Variants in UEVLD observed in about 807,000 individuals in gnomAD.
UEVLD encodes UEV and lactate/malate dehyrogenase domains.
A neutral mutation model predicts 58.6 loss-of-function variants in UEVLD; 47 were observed. The ratio of observed to expected loss-of-function variants is 0.80; its 90% confidence interval spans 0.63 to 1.02. The LOEUF (loss-of-function observed/expected upper bound fraction) is 1.02. Among genes scored for constraint, UEVLD ranks in the 50% least tolerant of loss-of-function variants. UEVLD has a pLI of 0.00. For synonymous variants in UEVLD, 197 were observed against 195.3 expected, an observed-to-expected ratio of 1.01 and a Z score of -0.07; for missense variants, 510 against 550.6, an observed-to-expected ratio of 0.93 and a Z score of 0.74.
rs1852532334 is a variant in UEVLD, at chr11:18,570,316, A to G, written c.255T>C (p.Pro85=). 2 of 1,588,092 alleles carry G rather than the reference A, an allele frequency of 1.3e-6. No individual in the cohort carries two copies. Among genetic ancestry groups the G allele is most frequent in the Admixed American group, 1.9e-5 (1 of 51,734 alleles). ...WILDSHPFAP[P]ICFLKPTANM... ...TTGCAGTTGGCTTCAAGAAGCAAAT[A>G]GGGGGAGCGAAAGGGTGAGAATCCA... Residue 85 remains proline, a synonymous_variant, in exon 4 of 12, where the codon CCT becomes CCC. Transcript: ENST00000396197.
intron 7 of UEVLD, among the ~76,000 whole-genome samples, chr11:18,557,723 C>T (rs753048484): frequency 1.2e-4 from 18 of 151,802 alleles, no homozygotes; most frequent in Non-Finnish European, 1.9e-4. Context: ...GCCACCACAC[C>T]CAGCTAAATT....
At chr11:18,542,128 A>T (rs1851080593) in intron 9 of UEVLD, among the ~76,000 whole-genome samples, 1 of 152,148 alleles carries the variant, frequency 6.6e-6, no homozygotes, top group Admixed American at 6.5e-5. Context: ...ATGTTTTAGG[A>T]AGATTGAATT....
At chr11:18,563,820 C>T (rs768056765) in intron 6 of UEVLD, 3 of 325,344 alleles carry the variant, frequency 9.2e-6, no homozygotes, top group Non-Finnish European at 1.4e-5. Flanking sequence ...GCCTGGCCAA[C>T]ATGGCAAAAC....
chr11:18,557,404 G>A (rs1024361989), intron 7 of UEVLD, among the ~76,000 whole-genome samples: 8 of 151,904 alleles, frequency 5.3e-5, no homozygotes, highest in East Asian at 1.9e-4. Flanking sequence ...TGCCTGCGTC[G>A]GCTTCCCAAA....
At chr11:18,536,619 C>G (rs1402533487) in intron 9 of UEVLD, 150 bp from the exon 10 acceptor site, 1 of 626,204 alleles carries the variant, frequency 1.6e-6, no homozygotes, top group Non-Finnish European at 2.8e-6. Flanking sequence ...CACTGGATAA[C>G]AATGAATGTG....
chr11:18,551,012 C>T (rs1470022600), intron 7 of UEVLD, among the ~76,000 whole-genome samples: 1 of 152,174 alleles, frequency 6.6e-6, no homozygotes. Flanking sequence ...CACTCAAAAT[C>T]TTTGACTTTT....
At chr11:18,555,929 A>G (rs1851737207) in intron 7 of UEVLD, among the ~76,000 whole-genome samples, 1 of 152,198 alleles carries the variant, frequency 6.6e-6, no homozygotes, top group African/African-American at 2.4e-5. Context: ...AGCTTGGACC[A>G]CAGAGCAAGA....
intron 9 of UEVLD, among the ~76,000 whole-genome samples, chr11:18,544,183 A>G (rs990381652): frequency 6.6e-6 from 1 of 152,226 alleles, no homozygotes; most frequent in Non-Finnish European, 1.5e-5. Context: ...TTTATTCACA[A>G]TATAGGGCCT....
intron 7 of UEVLD, among the ~76,000 whole-genome samples, chr11:18,549,512 G>A (rs1191153744): frequency 4.6e-5 from 7 of 152,054 alleles, no homozygotes; most frequent in Non-Finnish European, 8.8e-5. Flanking sequence ...TCTGCCTCCC[G>A]GTTTCAAGTG....
At chr11:18,580,925 G>T (rs566275567) in intron 1 of UEVLD, among the ~76,000 whole-genome samples, 1 of 152,268 alleles carries the variant, frequency 6.6e-6, no homozygotes, top group Admixed American at 6.5e-5. Flanking sequence ...CACTTTGGGA[G>T]GCTAAGGTGG....
At chr11:18,559,582 T>A (rs1036984216) in intron 6 of UEVLD, among the ~76,000 whole-genome samples, 4 of 152,226 alleles carry the variant, frequency 2.6e-5, no homozygotes, top group African/African-American at 9.6e-5. Context: ...GATTTATGTT[T>A]TCATTTTGAT....
chr11:18,573,200 C>A (rs1345033811), intron 3 of UEVLD, among the ~76,000 whole-genome samples: 1 of 152,160 alleles, frequency 6.6e-6, no homozygotes, highest in Non-Finnish European at 1.5e-5. Context: ...AACCTTTCTG[C>A]CCTCATGTTA....
intron 7 of UEVLD, among the ~76,000 whole-genome samples, chr11:18,555,469 T>TCCCAGCTAC (rs1398498771): frequency 6.6e-6 from 1 of 151,474 alleles, no homozygotes; most frequent in Admixed American, 6.6e-5. Flanking sequence ...ATGCCTGTGG[T>TCCCAGCTAC]CCCAGCTACT....
chr11:18,545,070 C>CA (rs1851242327), intron 8 of UEVLD, among the ~76,000 whole-genome samples: 1 of 103,472 alleles, frequency 9.7e-6, no homozygotes, highest in Non-Finnish European at 2.1e-5. Flanking sequence ...ATATCTATAT[C>CA]TATATTTTTT....
chr11:18,581,891 G>A (rs1461377100), intron 1 of UEVLD, among the ~76,000 whole-genome samples: 1 of 152,128 alleles, frequency 6.6e-6, no homozygotes, highest in Non-Finnish European at 1.5e-5. Flanking sequence ...ATTTATATGA[G>A]TAGAGTAGAC....
intron 5 of UEVLD, 60 bp from the exon 6 acceptor site, chr11:18,565,070 T>C: frequency 7.6e-7 from 1 of 1,311,592 alleles, no homozygotes; most frequent in Non-Finnish European, 1.1e-6. Flanking sequence ...TTTTAGGATC[T>C]TTAAAAAAAA....
intron 1 of UEVLD, among the ~76,000 whole-genome samples, chr11:18,583,374 C>T (rs1411119237): frequency 2.0e-5 from 3 of 151,958 alleles, no homozygotes; most frequent in Non-Finnish European, 4.4e-5. Flanking sequence ...GCACCCGCCA[C>T]CATGTCTGGC....
chr11:18,583,136 C>G (rs1160395539), intron 1 of UEVLD, among the ~76,000 whole-genome samples: 1 of 151,560 alleles, frequency 6.6e-6, no homozygotes, highest in African/African-American at 2.4e-5. Flanking sequence ...GTTGGCCAGG[C>G]TGGTCTCGAA....
chr11:18,574,434 G>A (rs553327281), intron 3 of UEVLD, among the ~76,000 whole-genome samples: 4 of 152,186 alleles, frequency 2.6e-5, no homozygotes, highest in South Asian at 4.2e-4. Context: ...CACCACACCC[G>A]GCAAGAACAG....
Sources: allele counts gnomAD v4.1 joint callset (sites outside exome capture counted in the v4.1 genomes callset), GRCh38; gene constraint gnomAD v4.1.1; transcripts MANE v1.5; gene names NCBI Gene and HGNC (gene_info 2026-07-23, HGNC 2026-07-21).